NAV3: variants seen among roughly 807,000 people sequenced by gnomAD.
The protein encoded by NAV3 is neuron navigator 3, also known as pore membrane and/or filament interacting like protein 1.
In NAV3, 87 loss-of-function variants were observed where a neutral mutation model predicts 244.7. The observed-to-expected ratio is 0.36, with a 90% confidence interval of 0.30 to 0.42. The LOEUF is 0.42. Among genes scored for constraint, NAV3 ranks in the 20% least tolerant of loss-of-function variants. The probability of loss-of-function intolerance (pLI) is 1.00; values close to 1 mark genes in which losing one functional copy is unlikely to be tolerated. For synonymous variants in NAV3, 1,126 were observed against 1,042.2 expected, an observed-to-expected ratio of 1.08 and a Z score of -1.55; for missense variants, 2,663 against 2,893.3, an observed-to-expected ratio of 0.92 and a Z score of 1.83.
chr12:77,744,853 T>C (rs1225099933), intron 2 of NAV3, among the ~76,000 whole-genome samples: 1 of 151,948 alleles, frequency 6.6e-6, no homozygotes, highest in Admixed American at 6.6e-5. Flanking sequence ...TAATGTTTAG[T>C]ATATTTATGT....
At chr12:77,624,569 T>A (rs931908146) in intron 2 of NAV3, among the ~76,000 whole-genome samples, 1 of 151,962 alleles carries the variant, frequency 6.6e-6, no homozygotes, top group Non-Finnish European at 1.5e-5. Context: ...GAGGTTGGAC[T>A]TGGACCAAGC....
At chr12:78,133,318 G>C (rs1008769206) in intron 18 of NAV3, among the ~76,000 whole-genome samples, 1 of 151,884 alleles carries the variant, frequency 6.6e-6, no homozygotes, top group East Asian at 1.9e-4. Context: ...CAGTTCACCT[G>C]AACCTCTGTT....
intron 28 of NAV3, among the ~76,000 whole-genome samples, chr12:78,178,837 A>C (rs1029377942): frequency 1.3e-5 from 2 of 152,142 alleles, no homozygotes; most frequent in Non-Finnish European, 2.9e-5. Flanking sequence ...ATTTCCTGCG[A>C]AGCTGTCCAC....
intron 20 of NAV3, among the ~76,000 whole-genome samples, chr12:78,144,876 C>A (rs1433303661): frequency 1.7e-5 from 2 of 116,098 alleles, no homozygotes; most frequent in East Asian, 2.7e-4. Flanking sequence ...GTTGTGAATG[C>A]GCAGTGCACC....
intron 12 of NAV3, among the ~76,000 whole-genome samples, chr12:78,078,356 G>C (rs1953161200): frequency 8.4e-6 from 1 of 118,896 alleles, no homozygotes; most frequent in East Asian, 2.8e-4. Flanking sequence ...TATGAGAGTT[G>C]CATTTCACTC....
intron 2 of NAV3, among the ~76,000 whole-genome samples, chr12:77,778,772 GTTCACATA>G (rs1870519440): frequency 6.6e-6 from 1 of 152,072 alleles, no homozygotes; most frequent in Admixed American, 6.6e-5. Flanking sequence ...ACTAATAAAT[GTTCACATA>G]ATTATAAAAC....
At chr12:77,707,085 T>C (rs1402121006) in intron 2 of NAV3, among the ~76,000 whole-genome samples, 1 of 151,674 alleles carries the variant, frequency 6.6e-6, no homozygotes, top group Non-Finnish European at 1.5e-5. Context: ...TTTTTTTTAA[T>C]TATACTTTAA....
intron 24 of NAV3, 83 bp from the exon 25 acceptor site, chr12:78,175,223 T>C (rs2139643863): frequency 6.8e-7 from 1 of 1,465,700 alleles, no homozygotes; most frequent in South Asian, 1.2e-5. Context: ...ATTAGAGAAC[T>C]GCCTCTCAAA....
intron 8 of NAV3, among the ~76,000 whole-genome samples, chr12:78,015,559 T>TATGCATA (rs1876054769): frequency 6.6e-6 from 1 of 152,128 alleles, no homozygotes; most frequent in Non-Finnish European, 1.5e-5. Flanking sequence ...CATTGGGTGT[T>TATGCATA]TCATGATATG....
intron 12 of NAV3, among the ~76,000 whole-genome samples, chr12:78,103,428 C>A (rs1479149090): frequency 6.6e-6 from 1 of 152,192 alleles, no homozygotes; most frequent in Non-Finnish European, 1.5e-5. Flanking sequence ...CTACTCCAAA[C>A]TTTCCCACAT....
intron 3 of NAV3, among the ~76,000 whole-genome samples, chr12:77,952,964 A>G (rs1385136510): frequency 6.6e-6 from 1 of 152,170 alleles, no homozygotes; most frequent in African/African-American, 2.4e-5. Context: ...TAATAAAACA[A>G]TAAATTCCCT....
intron 11 of NAV3, among the ~76,000 whole-genome samples, chr12:78,051,535 T>A (rs1298277005): frequency 6.6e-6 from 1 of 152,176 alleles, no homozygotes; most frequent in East Asian, 1.9e-4. Context: ...CTGTAACTGC[T>A]TTGAGAAACA....
At chr12:77,684,953 C>G (rs990125929) in intron 2 of NAV3, among the ~76,000 whole-genome samples, 1 of 152,146 alleles carries the variant, frequency 6.6e-6, no homozygotes, top group East Asian at 1.9e-4. Flanking sequence ...ACACCTTCGT[C>G]AGAATCATTA....
intron 2 of NAV3, among the ~76,000 whole-genome samples, chr12:77,824,054 T>C (rs928610295): frequency 1.3e-5 from 2 of 151,996 alleles, no homozygotes; most frequent in Admixed American, 6.6e-5. Context: ...ATAGAAGTTA[T>C]GTGAATGCAA....
At chr12:77,698,987 T>G (rs1389593041) in intron 2 of NAV3, among the ~76,000 whole-genome samples, 2 of 152,150 alleles carry the variant, frequency 1.3e-5, no homozygotes, top group Non-Finnish European at 2.9e-5. Context: ...GTCTGAATAT[T>G]CTAAATTAAA....
intron 12 of NAV3, among the ~76,000 whole-genome samples, chr12:78,081,201 C>T (rs555015115): frequency 4.6e-5 from 7 of 152,164 alleles, no homozygotes; most frequent in Non-Finnish European, 7.4e-5. Flanking sequence ...CGTGATAATA[C>T]GTTAAGAGAG....
rs1291566613 is a variant in NAV3 at position 78,201,018 on chromosome 12, C to A, written c.6834+427C>A. ...ACTCCCTCCCTCCCTCCCTCTCCCCCTCCCCACTCTCTCTCTTTCTCTCTC... is the reference window on the plus strand; with the variant it reads ...ACTCCCTCCCTCCCTCCCTCTCCCCATCCCCACTCTCTCTCTTTCTCTCTC... On this transcript the variant is annotated intron_variant, in intron 38 of 39. Transcript: ENST00000397909. Among the ~76,000 whole-genome samples the A allele has an allele frequency of 4.7e-5, 7 of 148,566 alleles. No individual in the cohort carries two copies. The Admixed American group carries it at 4.7e-4, about 10-fold the overall frequency.
intron 1 of NAV3, among the ~76,000 whole-genome samples, chr12:77,919,254 C>T (rs1166759894): frequency 6.6e-6 from 1 of 151,994 alleles, no homozygotes; most frequent in East Asian, 1.9e-4. Flanking sequence ...AAAGTGTGGT[C>T]AAGTATTTCT....
chr12:78,189,561 C>CATAT (rs34797197), intron 33 of NAV3, among the ~76,000 whole-genome samples: 34 of 148,530 alleles, frequency 2.3e-4, no homozygotes, highest in South Asian at 4.2e-4. Flanking sequence ...CACACACACC[C>CATAT]ATATATATAT....
Sources: gnomAD v4.1 joint callset for allele counts (sites outside exome capture counted in the v4.1 genomes callset) on GRCh38, gnomAD v4.1.1 for gene constraint, MANE v1.5 for transcripts, NCBI Gene and HGNC (gene_info 2026-07-23, HGNC 2026-07-21) for gene names.